PPFIBP2: variants seen among roughly 807,000 people sequenced by gnomAD.
PPFIBP2 encodes the protein liprin-beta-2.
In PPFIBP2, 118 loss-of-function variants were observed where a neutral mutation model predicts 118.3. The observed-to-expected ratio is 1.00, with a 90% CI of 0.86 to 1.16. The LOEUF (loss-of-function observed/expected upper bound fraction) is 1.16, where lower values mean the gene tolerates loss of function less well. Ranked by LOEUF, PPFIBP2 falls within the 50% of genes most tolerant of loss-of-function variation. The pLI is 0.00. For missense variants in PPFIBP2, 1,195 were observed against 1,073.1 expected, an observed-to-expected ratio of 1.11 and a Z score of -1.59; for synonymous variants, 414 against 397.4, an observed-to-expected ratio of 1.04 and a Z score of -0.50.
At chr11:7,588,517 C>T (rs1415608127) in intron 3 of PPFIBP2, among the ~76,000 whole-genome samples, 4 of 152,218 alleles carry the variant, frequency 2.6e-5, no homozygotes, top group Admixed American at 6.5e-5. Context: ...TGCCCAGCCA[C>T]GGCAGTGGTA....
chr11:7,580,029 T>C (rs976562290), intron 3 of PPFIBP2, among the ~76,000 whole-genome samples: 71 of 152,140 alleles, frequency 4.7e-4, no homozygotes, highest in Non-Finnish European at 1.0e-4. Flanking sequence ...ACCCTTAATC[T>C]GGAAGAAAAA....
chr11:7,649,099 C>G (rs756151444), intron 19 of PPFIBP2, 48 bp from the exon 20 acceptor site: 9 of 1,557,542 alleles, frequency 5.8e-6, no homozygotes, highest in East Asian at 2.2e-5. Context: ...TGTCTACATT[C>G]TCTCATTCTC....
the PPFIBP2 span, chr11:7,666,893 G>A: frequency 9.9e-6 from 2 of 202,820 alleles, no homozygotes; most frequent in Non-Finnish European, 2.0e-5. Context: ...CTGAGCTCTA[G>A]CACAGCAAAC....
At position 7,549,740 on chromosome 11, in the gene PPFIBP2, C is replaced by T. The variant is rs1272803876; in HGVS notation, c.64+201C>T. Reference sequence around the variant, plus strand: ...ACAACTCTCTGATGTCTGGTGTGATCGTTCTGGTCTCTGCTGAGACAGTGT... The same window carrying T: ...ACAACTCTCTGATGTCTGGTGTGATTGTTCTGGTCTCTGCTGAGACAGTGT... On this transcript the variant is annotated intron_variant, in intron 2 of 23. Coordinates refer to ENST00000299492, the MANE Select transcript of PPFIBP2 (RefSeq NM_003621.5). Among the ~76,000 whole-genome samples the T allele has an allele frequency of 2.7e-5, 4 of 150,496 alleles. 1 individual carries two copies. The South Asian group carries it at 6.3e-4, about 24-fold the overall frequency.
intron 2 of PPFIBP2, among the ~76,000 whole-genome samples, chr11:7,562,927 TTTTATATATATATATATATA>T (rs1357305895): frequency 8.5e-5 from 7 of 81,932 alleles, no homozygotes; most frequent in African/African-American, 1.3e-4. Flanking sequence ...GAAATTAAAG[TTTTATATATATATATATATA>T]TATATATATA....
intron 2 of PPFIBP2, among the ~76,000 whole-genome samples, chr11:7,556,315 T>C (rs1398973875): frequency 2.0e-5 from 3 of 151,908 alleles, no homozygotes; most frequent in Non-Finnish European, 4.4e-5. Flanking sequence ...ATTAGCCGGG[T>C]GTGGTGGCGG....
chr11:7,641,574 C>G lies in PPFIBP2; in HGVS notation c.1471C>G (p.Pro491Ala). The G allele has an allele frequency of 6.2e-7, 1 of 1,613,988 alleles. No homozygotes were observed. The highest frequency in any genetic ancestry group is 1.3e-5 in the African/African-American group (1 of 75,052). The change falls in exon 16 of 24, where the codon CCA (proline) becomes GCA (alanine). Residue 491 changes from proline (P) to alanine (A), a missense_variant. Pro to Ala is a conservative substitution (Grantham distance 27). Transcript: ENST00000299492. ...ATCAGGTCCTCAGTCTCCTCTGACA[C>G]CAGATGGTAAACGGAATCCCAAAGG... ...TESGPQSPLT[P>A]DGKRNPKGIK...
intron 1 of PPFIBP2, among the ~76,000 whole-genome samples, chr11:7,544,668 G>A (rs932942782): frequency 6.6e-6 from 1 of 151,680 alleles, no homozygotes; most frequent in African/African-American, 2.4e-5. Flanking sequence ...TAGCTACTCG[G>A]GAGGCTGAGT....
At chr11:7,597,823 C>T (rs927748348) in intron 5 of PPFIBP2, 150 bp downstream of exon 5, 17 of 626,186 alleles carry the variant, frequency 2.7e-5, no homozygotes, top group Non-Finnish European at 4.2e-5. Flanking sequence ...GTTTATACAG[C>T]AGGTGAAACC....
chr11:7,663,578 G>A, the PPFIBP2 span, among the ~76,000 whole-genome samples: 1 of 152,244 alleles, frequency 6.6e-6, no homozygotes, highest in Non-Finnish European at 1.5e-5. Flanking sequence ...ATTTAAGTCT[G>A]TAGAAGTTAC....
intron 15 of PPFIBP2, among the ~76,000 whole-genome samples, chr11:7,640,670 A>G (rs536176077): frequency 7.0e-4 from 106 of 152,282 alleles, no homozygotes; most frequent in Non-Finnish European, 1.0e-3. Flanking sequence ...AACTGGACTC[A>G]CTATGGCTTC....
intron 1 of PPFIBP2, among the ~76,000 whole-genome samples, chr11:7,534,981 A>G (rs1386194285): frequency 2.0e-5 from 3 of 152,228 alleles, no homozygotes; most frequent in African/African-American, 7.2e-5. Context: ...ATGGGACCTC[A>G]TAGGCTCTTT....
At chr11:7,624,071 T>C (rs1849668856) in intron 7 of PPFIBP2, among the ~76,000 whole-genome samples, 1 of 152,180 alleles carries the variant, frequency 6.6e-6, no homozygotes, top group Non-Finnish European at 1.5e-5. Flanking sequence ...TCTCTTTATA[T>C]GGTCATCCCT....
rs1162814373 is a variant in PPFIBP2, at chr11:7,556,562, G to GT, written c.64+7029dup. On this transcript the variant is annotated intron_variant, in intron 2 of 23. Coordinates refer to ENST00000299492, the MANE Select transcript of PPFIBP2 (RefSeq NM_003621.5). ...GTATCTTTGTATTCTCCAAATTATT[G>GT]TTTTTTCAGTTGATAGCATTTTGTT... 2.6e-5 allele frequency among the ~76,000 whole-genome samples: 4 copies of GT among 152,226 alleles called. No homozygotes were observed. The East Asian group carries it at 5.8e-4, about 22-fold the overall frequency.
intron 3 of PPFIBP2, among the ~76,000 whole-genome samples, chr11:7,590,809 G>A (rs1053079359): frequency 1.3e-5 from 2 of 152,176 alleles, no homozygotes; most frequent in Non-Finnish European, 2.9e-5. Context: ...TCACACAAAA[G>A]TAATGAGTTC....
chr11:7,639,935 T>C (rs1218053555), intron 15 of PPFIBP2, 65 bp downstream of exon 15: 1 of 1,556,686 alleles, frequency 6.4e-7, no homozygotes, highest in East Asian at 2.3e-5. Context: ...AATGATTGTA[T>C]AAGATCCCTG....
At position 7,562,929 on chromosome 11, in the gene PPFIBP2, T is replaced by TTATA. The variant is rs60848890; in HGVS notation, c.65-2579_65-2576dup. Among the ~76,000 whole-genome samples the TTATA allele has an allele frequency of 4.9e-3, 423 of 86,270 alleles. 6 individuals are homozygous for TTATA. The highest frequency in any genetic ancestry group is 6.6e-3 in the Non-Finnish European group (268 of 40,314). The allele number at this position is 86,270 out of a possible 152,430, so 56.6% of individuals were successfully genotyped here. A position where few individuals can be genotyped will look rare whatever the true frequency, so the allele number is the denominator to read the frequency against. Reference sequence around the variant, plus strand: ...TTTCAAAGAAATAGAAATTAAAGTTTTATATATATATATATATATATATAT... The same window carrying TTATA: ...TTTCAAAGAAATAGAAATTAAAGTTTTATATATATATATATATATATATATATAT... On this transcript the variant is annotated intron_variant, in intron 2 of 23. Coordinates refer to ENST00000299492, the MANE Select transcript of PPFIBP2 (RefSeq NM_003621.5).
At chr11:7,545,674 A>C (rs993024612) in intron 1 of PPFIBP2, among the ~76,000 whole-genome samples, 3 of 133,792 alleles carry the variant, frequency 2.2e-5, no homozygotes, top group African/African-American at 9.7e-5. Flanking sequence ...TCCAAGGATA[A>C]GGGGGGACTA....
chr11:7,552,082 G>A (rs1337317063), intron 2 of PPFIBP2, among the ~76,000 whole-genome samples: 1 of 152,210 alleles, frequency 6.6e-6, no homozygotes, highest in Non-Finnish European at 1.5e-5. Context: ...TGAGAGTTTT[G>A]TAGAGAGAAG....
Sources: allele counts gnomAD v4.1 joint callset (sites outside exome capture counted in the v4.1 genomes callset), GRCh38; gene constraint gnomAD v4.1.1; transcripts MANE v1.5; gene names NCBI Gene and HGNC (gene_info 2026-07-23, HGNC 2026-07-21).